The following CWH43 variants were observed in gnomAD, a reference collection of about 807,000 sequenced individuals.
CWH43 encodes PGAP2-interacting protein.
A neutral mutation model predicts 85.7 loss-of-function variants in CWH43; 91 were observed. The ratio of observed to expected loss-of-function variants is 1.06; its 90% CI spans 0.90 to 1.26. The LOEUF is 1.26. Ranked by LOEUF, CWH43 falls within the 50% of genes most tolerant of loss-of-function variation. CWH43 has a pLI of 0.00. For synonymous variants in CWH43, 323 were observed against 293.6 expected (o/e 1.10, Z -1.02); for missense variants, 869 against 839.2 (o/e 1.04, Z -0.44).
chr4:49,050,041 C>T (rs1177125360), intron 14 of CWH43, among the ~76,000 whole-genome samples: 1 of 152,204 alleles, frequency 6.6e-6, no homozygotes, highest in Non-Finnish European at 1.5e-5. Flanking sequence ...CATATATATA[C>T]ATATGTGCTT....
chr4:49,017,382 A>G lies in CWH43; in HGVS notation c.1266+54A>G. ...TTTTATATGGTATATATATGTGCAT[A>G]TATTTGTACAATTTACCATTCTGAT... On this transcript the variant is annotated intron_variant, in intron 9 of 15. Coordinates refer to ENST00000226432, the MANE Select transcript of CWH43 (RefSeq NM_025087.3). The G allele has an allele frequency of 3.1e-6, 4 of 1,270,940 alleles. No homozygotes were observed. The South Asian group carries it at 5.2e-5, about 17-fold the overall frequency. 78.7% of individuals were successfully genotyped at this position (1,270,940 alleles called of 1,614,324 possible). A position where few individuals can be genotyped will look rare whatever the true frequency, so the allele number is the denominator to read the frequency against.
chr4:49,023,443 C>T (rs770361312), intron 9 of CWH43, among the ~76,000 whole-genome samples: 5 of 152,146 alleles, frequency 3.3e-5, no homozygotes, highest in South Asian at 4.1e-4. Context: ...GGCACAATCT[C>T]GGCTCACTGC....
intron 9 of CWH43, among the ~76,000 whole-genome samples, chr4:49,026,202 C>T (rs369336923): frequency 2.5e-4 from 38 of 152,332 alleles, no homozygotes; most frequent in East Asian, 2.3e-3. Flanking sequence ...TCACTCCAAC[C>T]GTGCCCCCAC....
intron 13 of CWH43, 104 bp downstream of exon 13, chr4:49,038,284 T>G: frequency 9.1e-6 from 8 of 875,752 alleles, no homozygotes; most frequent in Non-Finnish European, 1.0e-5. Flanking sequence ...ATGTGCAGTC[T>G]ATCTACTGCT....
chr4:49,039,591 G>T (rs569213857), intron 13 of CWH43, among the ~76,000 whole-genome samples: 1 of 149,994 alleles, frequency 6.7e-6, no homozygotes, highest in Non-Finnish European at 1.5e-5. Flanking sequence ...AATCTTATCC[G>T]TCTTATGTTG....
At chr4:49,050,566 CA>C (rs1276737576) in intron 14 of CWH43, 127 bp from the exon 15 acceptor site, 6 of 578,632 alleles carry the variant, frequency 1.0e-5, no homozygotes, top group Non-Finnish European at 1.7e-5. Flanking sequence ...AAGTTAATTC[CA>C]GTTGTGATAT....
chr4:49,032,953 C>T (rs1316978864), intron 12 of CWH43, among the ~76,000 whole-genome samples: 1 of 152,042 alleles, frequency 6.6e-6, no homozygotes, highest in Non-Finnish European at 1.5e-5. Flanking sequence ...CAGTCAATTC[C>T]CTGTGCAGGG....
chr4:49,032,591 A>G lies in CWH43; in HGVS notation c.1534A>G (p.Ile512Val), dbSNP rs778272576. 8.1e-6 allele frequency: 13 copies of G among 1,613,894 alleles called. No homozygotes were observed. The highest frequency in any genetic ancestry group is 1.6e-4 in the Middle Eastern group (1 of 6,082). The part of the protein sequence containing the change: ...WGIMALSRYP[I>V]VKSEHHLLPS... Reference sequence around the variant, plus strand: ...GATTATGGCTTTGTCAAGATACCCAATTGTGAAATCTGAGCATCACCTTCT... The same window carrying G: ...GATTATGGCTTTGTCAAGATACCCAGTTGTGAAATCTGAGCATCACCTTCT... Residue 512 changes from isoleucine to valine, a missense_variant, in exon 12 of 16, where the codon ATT (isoleucine) becomes GTT (valine). Ile to Val is a conservative substitution (Grantham distance 29). Transcript: ENST00000226432.
In CWH43 at chr4:49,003,954, G is replaced by A. The variant is rs776684211; in HGVS notation, c.1022G>A (p.Gly341Glu). Residue 341 changes from glycine to glutamate, a missense_variant, in exon 7 of 16, where the codon GGA becomes GAA. Physicochemically the swap from Gly to Glu is moderately conservative, Grantham distance 98. This residue lies in a region of CWH43 where 577 missense variants were observed against 513.1 expected (regional missense o/e 1.12). Coordinates refer to ENST00000226432, the MANE Select transcript of CWH43 (RefSeq NM_025087.3). ...TGCACAGCTTTTAAGTTTGTCCCAG[G>A]AGGTGTCTACGCTAGAGAAAGATCA... The part of the protein sequence containing the change: ...AWCTAFKFVP[G>E]GVYARERSDV... 1.9e-6 allele frequency: 3 copies of A among 1,613,272 alleles called. No homozygotes were observed. The highest frequency in any genetic ancestry group is 2.7e-5 in the African/African-American group (2 of 75,026).
At chr4:49,003,010 C>G (rs1358562756) in intron 6 of CWH43, among the ~76,000 whole-genome samples, 2 of 152,050 alleles carry the variant, frequency 1.3e-5, no homozygotes, top group African/African-American at 4.8e-5. Context: ...ATTGATGGTC[C>G]CAAGATGGAG....
At chr4:49,038,288 T>G in intron 13 of CWH43, 108 bp downstream of exon 13, 3 of 828,938 alleles carry the variant, frequency 3.6e-6, no homozygotes, top group Non-Finnish European at 5.6e-6. Context: ...GCAGTCTATC[T>G]ACTGCTGCCT....
chr4:49,058,000 G>A (rs1785020408), intron 15 of CWH43, among the ~76,000 whole-genome samples: 1 of 152,034 alleles, frequency 6.6e-6, no homozygotes, highest in South Asian at 2.1e-4. Flanking sequence ...TATCCTCAAA[G>A]CTAAAGTGAG....
chr4:49,016,733 C>T (rs1329448914), intron 8 of CWH43: 2 of 776,792 alleles, frequency 2.6e-6, no homozygotes, highest in African/African-American at 3.4e-5. Flanking sequence ...CGAAAACAAC[C>T]TTCTCAGTGA....
chr4:49,032,821 C>T, intron 12 of CWH43, 106 bp downstream of exon 12: 1 of 1,379,674 alleles, frequency 7.2e-7, no homozygotes, highest in South Asian at 1.3e-5. Flanking sequence ...TCTTTTTTAC[C>T]TCCCAAAGTA....
intron 13 of CWH43, among the ~76,000 whole-genome samples, chr4:49,038,471 G>A (rs562931384): frequency 1.1e-4 from 16 of 152,312 alleles, no homozygotes; most frequent in African/African-American, 3.4e-4. Flanking sequence ...TTTATAGGTC[G>A]CAAGTTGTGC....
intron 10 of CWH43, among the ~76,000 whole-genome samples, chr4:49,030,483 C>G (rs1784061355): frequency 6.6e-6 from 1 of 152,174 alleles, no homozygotes; most frequent in Admixed American, 6.5e-5. Flanking sequence ...GAATAAAATG[C>G]TATGGTGCAC....
chr4:49,027,947 C>T (rs1459019136), intron 9 of CWH43, among the ~76,000 whole-genome samples: 1 of 152,128 alleles, frequency 6.6e-6, no homozygotes, highest in East Asian at 1.9e-4. Context: ...GCTCCTGGGC[C>T]TTGACCTTTC....
chr4:49,012,486 G>A (rs894659454), intron 8 of CWH43, among the ~76,000 whole-genome samples: 3 of 152,192 alleles, frequency 2.0e-5, no homozygotes, highest in Non-Finnish European at 2.9e-5. Context: ...ACTCATCAAA[G>A]TCATTCTCCG....
chr4:49,011,762 G>A (rs536373375), intron 8 of CWH43, among the ~76,000 whole-genome samples: 18 of 152,110 alleles, frequency 1.2e-4, no homozygotes, highest in Non-Finnish European at 2.6e-4. Context: ...AAAATTCTGG[G>A]TTGAAAATTC....
Sources: allele counts gnomAD v4.1 joint callset (sites outside exome capture counted in the v4.1 genomes callset), GRCh38; gene constraint gnomAD v4.1.1; regional missense constraint gnomAD v4.1.1; transcripts MANE v1.5; gene names NCBI Gene and HGNC (gene_info 2026-07-23, HGNC 2026-07-21).